ZDHHC21: variants seen among roughly 807,000 people sequenced by gnomAD.
ZDHHC21 encodes the protein zDHHC palmitoyltransferase 21, also known as palmitoyltransferase ZDHHC21.
A neutral mutation model predicts 34.6 loss-of-function variants in ZDHHC21; 15 were observed. That is an observed-to-expected ratio of 0.43 (90% confidence interval 0.29 to 0.67). The LOEUF is 0.67. Among genes scored for constraint, ZDHHC21 ranks in the 30% least tolerant of loss-of-function variants. The probability of loss-of-function intolerance (pLI) is 0.14; values close to 1 mark genes in which losing one functional copy is unlikely to be tolerated. For synonymous variants in ZDHHC21, 142 were observed against 101.8 expected (o/e 1.40, Z -2.38); for missense variants, 344 against 327.7 (o/e 1.05, Z -0.38).
intron 5 of ZDHHC21, 86 bp from the exon 6 acceptor site, chr9:14,662,412 G>A (rs7036630): frequency 0.18 from 179,587 of 980,410 alleles, 18,617 homozygotes; most frequent in South Asian, 0.33. Flanking sequence ...GATTTTATAG[G>A]AAGCCTTCAA....
chr9:14,610,977 A>T (rs879507023), downstream of ZDHHC21: 3 of 152,016 alleles, frequency 2.0e-5, no homozygotes, highest in Admixed American at 6.6e-5. Context: ...ATTGTATAAA[A>T]TTTTTAAAAG....
chr9:14,601,311 AC>A, the ZDHHC21 span, among the ~76,000 whole-genome samples: 21 of 152,336 alleles, frequency 1.4e-4, no homozygotes, highest in Admixed American at 1.2e-3. Flanking sequence ...CAAGAAAAAA[AC>A]AACCCCATCA....
intron 2 of ZDHHC21, among the ~76,000 whole-genome samples, chr9:14,680,429 C>A (rs1837167801): frequency 6.6e-6 from 1 of 152,062 alleles, no homozygotes; most frequent in Non-Finnish European, 1.5e-5. Context: ...ATCAAATAAG[C>A]ATTATATGTC....
chr9:14,594,510 A>T, the ZDHHC21 span, among the ~76,000 whole-genome samples: 5 of 152,200 alleles, frequency 3.3e-5, no homozygotes, highest in South Asian at 6.2e-4. Flanking sequence ...ATATGTAACG[A>T]AACAAAGAAA....
intron 5 of ZDHHC21, among the ~76,000 whole-genome samples, chr9:14,665,892 T>C (rs1490911567): frequency 1.3e-5 from 2 of 148,994 alleles, no homozygotes; most frequent in African/African-American, 4.9e-5. Flanking sequence ...CGCTGCAAAA[T>C]CATGCCAAAA....
In ZDHHC21 at chr9:14,619,538, G is replaced by T. The variant is rs907062049; in HGVS notation, c.665+101C>A. ...GCCTCAGACAATGCACCAAGAAAAAGCCATCATTATATTATCTATCTACCA... is the reference window on the plus strand; with the variant it reads ...GCCTCAGACAATGCACCAAGAAAAATCCATCATTATATTATCTATCTACCA... On this transcript the variant is annotated intron_variant, in intron 9 of 9. Transcript: ENST00000380916. 13 of 985,588 alleles carry T rather than the reference G, an allele frequency of 1.3e-5. No individual in the cohort carries two copies. The African/African-American group carries it at 2.0e-4, about 15-fold the overall frequency. The allele number at this position is 985,588 out of a possible 1,614,324, so 61.1% of individuals were successfully genotyped here.
At chr9:14,599,524 T>G in the ZDHHC21 span, among the ~76,000 whole-genome samples, 7 of 152,068 alleles carry the variant, frequency 4.6e-5, no homozygotes, top group South Asian at 4.2e-4. Context: ...GGATGGCTGT[T>G]TGGGCAGACA....
At chr9:14,603,915 T>A in the ZDHHC21 span, among the ~76,000 whole-genome samples, 2 of 152,196 alleles carry the variant, frequency 1.3e-5, no homozygotes, top group Non-Finnish European at 2.9e-5. Flanking sequence ...CATCCCTTGA[T>A]TTGCCTTAAG....
At chr9:14,684,062 A>C (rs10961663) in intron 2 of ZDHHC21, among the ~76,000 whole-genome samples, 44,335 of 151,856 alleles carry the variant, frequency 0.29, 6,644 homozygotes, top group South Asian at 0.39. Flanking sequence ...CAAAATAATC[A>C]GAGCTATTTA....
chr9:14,627,733 G>C (rs1826541163), intron 8 of ZDHHC21, among the ~76,000 whole-genome samples: 1 of 152,168 alleles, frequency 6.6e-6, no homozygotes, highest in Admixed American at 6.5e-5. Flanking sequence ...TGTACCAGCT[G>C]TTACAGCACT....
chr9:14,683,343 C>T (rs10810215), intron 2 of ZDHHC21, among the ~76,000 whole-genome samples: 64,064 of 151,676 alleles, frequency 0.42, 13,781 homozygotes, highest in African/African-American at 0.5. Flanking sequence ...ATCAAATAGA[C>T]GCAATAAAAA....
At chr9:14,647,488 C>T (rs1257818161) in intron 7 of ZDHHC21, among the ~76,000 whole-genome samples, 1 of 152,022 alleles carries the variant, frequency 6.6e-6, no homozygotes, top group Non-Finnish European at 1.5e-5. Flanking sequence ...TCAAGTATGT[C>T]ACCTTATGAA....
At chr9:14,658,962 T>G in intron 6 of ZDHHC21, 75 bp from the exon 7 acceptor site, 1 of 1,419,280 alleles carries the variant, frequency 7.0e-7, no homozygotes, top group Non-Finnish European at 9.6e-7. Flanking sequence ...AAGACTAAAT[T>G]AAAAACAAAT....
chr9:14,642,375 G>A (rs759097523), intron 7 of ZDHHC21, among the ~76,000 whole-genome samples: 2 of 151,822 alleles, frequency 1.3e-5, no homozygotes, highest in African/African-American at 2.4e-5. Context: ...TCCAAAAATT[G>A]GCTTAAAAAT....
intron 5 of ZDHHC21, 69 bp from the exon 6 acceptor site, chr9:14,662,395 T>A: frequency 1.7e-6 from 2 of 1,153,798 alleles, no homozygotes; most frequent in South Asian, 1.5e-5. Context: ...CCAACAGTTG[T>A]TTAGAAGATT....
intron 7 of ZDHHC21, among the ~76,000 whole-genome samples, chr9:14,649,417 A>C (rs1830828028): frequency 6.6e-6 from 1 of 152,106 alleles, no homozygotes. Context: ...AAGCAATCTT[A>C]ATTTAATCCT....
At chr9:14,639,534 T>C (rs1246354964) in intron 8 of ZDHHC21, among the ~76,000 whole-genome samples, 2 of 152,002 alleles carry the variant, frequency 1.3e-5, no homozygotes, top group African/African-American at 4.8e-5. Context: ...AAATGATAAA[T>C]ACTCAAGGTG....
At chr9:14,605,597 C>A in the ZDHHC21 span, among the ~76,000 whole-genome samples, 1 of 152,090 alleles carries the variant, frequency 6.6e-6, no homozygotes, top group Non-Finnish European at 1.5e-5. Flanking sequence ...AACCTCTTAG[C>A]AAATATGTGG....
chr9:14,674,805 C>T (rs1030162467), intron 3 of ZDHHC21, among the ~76,000 whole-genome samples: 4 of 151,880 alleles, frequency 2.6e-5, no homozygotes, highest in Non-Finnish European at 4.4e-5. Flanking sequence ...ATGGGTCACA[C>T]AAGTCAAAAC....
Sources: gnomAD v4.1 joint callset for allele counts (sites outside exome capture counted in the v4.1 genomes callset) on GRCh38, gnomAD v4.1.1 for gene constraint, MANE v1.5 for transcripts, NCBI Gene and HGNC (gene_info 2026-07-23, HGNC 2026-07-21) for gene names.